Variants in TTC17 observed in about 807,000 individuals in gnomAD.
TTC17 encodes the protein tetratricopeptide repeat domain 17, also known as tetratricopeptide repeat protein 17.
TTC17 carries 58 observed loss-of-function variants against 143.8 expected under a neutral mutation model. That is an observed-to-expected ratio of 0.40 (90% CI 0.33 to 0.50). The LOEUF is 0.50. TTC17 is among the 20% of genes least tolerant of loss of function. TTC17 has a pLI of 0.49. For missense variants in TTC17, 1,273 were observed against 1,392.5 expected (o/e 0.91, Z 1.37); for synonymous variants, 501 against 497.8 (o/e 1.01, Z -0.09).
intron 15 of TTC17, among the ~76,000 whole-genome samples, chr11:43,412,989 C>T (rs1590379320): frequency 2.1e-5 from 1 of 47,412 alleles, no homozygotes; most frequent in African/African-American, 4.4e-5. Flanking sequence ...TAGACACACA[C>T]ACACACACAC....
intron 2 of TTC17, among the ~76,000 whole-genome samples, 200 bp from the exon 3 acceptor site, chr11:43,389,452 G>GTTCTGTTACT (rs1857295442): frequency 6.6e-6 from 1 of 152,154 alleles, no homozygotes; most frequent in African/African-American, 2.4e-5. Context: ...TAAATGTTGT[G>GTTCTGTTACT]TTCTGTTACT....
At chr11:43,369,681 A>G (rs985387589) in intron 1 of TTC17, among the ~76,000 whole-genome samples, 5 of 151,582 alleles carry the variant, frequency 3.3e-5, no homozygotes, top group African/African-American at 9.7e-5. Flanking sequence ...CAGTGGTGCA[A>G]TCTTATTTCA....
chr11:43,394,091 C>T (rs1182236140), intron 5 of TTC17, among the ~76,000 whole-genome samples: 1 of 152,190 alleles, frequency 6.6e-6, no homozygotes, highest in Non-Finnish European at 1.5e-5. Flanking sequence ...TTTATCCACT[C>T]CTCACAGGCC....
intron 21 of TTC17, among the ~76,000 whole-genome samples, chr11:43,465,800 A>G (rs1023317342): frequency 3.3e-5 from 5 of 152,220 alleles, no homozygotes; most frequent in Non-Finnish European, 7.3e-5. Context: ...AAATGGTCCA[A>G]AGACCTAAGT....
intron 19 of TTC17, among the ~76,000 whole-genome samples, chr11:43,448,388 C>A (rs115366667): frequency 1.6e-3 from 247 of 152,260 alleles, no homozygotes; most frequent in African/African-American, 5.5e-3. Context: ...GAATTGAAGA[C>A]TGGATCCTCT....
Position 43,448,891 on chromosome 11 carries a change from C to T in TTC17, c.2786+769C>T, listed in dbSNP as rs765350613. 4 of 152,006 alleles carry T rather than the reference C, an allele frequency of 2.6e-5. No individual in the cohort carries two copies. The South Asian group carries it at 6.2e-4, about 24-fold the overall frequency. 9.4% of individuals were successfully genotyped at this position (152,006 alleles called of 1,614,324 possible). ...TTTTTAGTAAATAGCTCCAGTAATG[C>T]TTAGGCCAAAAACCTGGGAGTTATC... On this transcript the variant is annotated intron_variant, in intron 19 of 23. Coordinates refer to ENST00000039989, the MANE Select transcript of TTC17 (RefSeq NM_018259.6).
chr11:43,418,928 G>A (rs1214469949), intron 16 of TTC17, among the ~76,000 whole-genome samples: 1 of 152,032 alleles, frequency 6.6e-6, no homozygotes, highest in Non-Finnish European at 1.5e-5. Flanking sequence ...TACTACTAAA[G>A]TAATCTAGGC....
chr11:43,384,540 A>C (rs1406595934), intron 2 of TTC17, among the ~76,000 whole-genome samples: 1 of 152,078 alleles, frequency 6.6e-6, no homozygotes, highest in Non-Finnish European at 1.5e-5. Context: ...CTATAGTCCC[A>C]GCTACTTGGG....
At chr11:43,482,598 A>G (rs1590502191) in intron 21 of TTC17, among the ~76,000 whole-genome samples, 1 of 152,150 alleles carries the variant, frequency 6.6e-6, no homozygotes, top group African/African-American at 2.4e-5. Flanking sequence ...TTTATGGGCC[A>G]GAATGTGGCC....
At chr11:43,428,744 A>G (rs1474244528) in intron 16 of TTC17, among the ~76,000 whole-genome samples, 1 of 152,262 alleles carries the variant, frequency 6.6e-6, no homozygotes, top group Admixed American at 6.5e-5. Flanking sequence ...CCCAGGACAG[A>G]ATTTAACTCC....
At chr11:43,485,883 G>GTTTTTT (rs751026290) in intron 21 of TTC17, among the ~76,000 whole-genome samples, 21 of 112,600 alleles carry the variant, frequency 1.9e-4, no homozygotes, top group East Asian at 5.6e-4. Flanking sequence ...TTGGTTTTTT[G>GTTTTTT]TTTTTTTTTT....
chr11:43,491,321 A>G (rs540056837), intron 22 of TTC17: 24 of 152,342 alleles, frequency 1.6e-4, no homozygotes, highest in African/African-American at 5.8e-4. Context: ...GATGATAGCA[A>G]TCTTGCTACT....
At chr11:43,386,798 CA>C (rs1387914084) in intron 2 of TTC17, among the ~76,000 whole-genome samples, 2 of 144,734 alleles carry the variant, frequency 1.4e-5, no homozygotes, top group East Asian at 3.9e-4. Context: ...TTTATTTATT[CA>C]TTTTTGTGAG....
intron 1 of TTC17, among the ~76,000 whole-genome samples, chr11:43,364,024 G>A (rs1004336236): frequency 6.6e-6 from 1 of 150,632 alleles, no homozygotes; most frequent in Non-Finnish European, 1.5e-5. Context: ...CGGTCAGGCC[G>A]GTATCTTCGG....
intron 21 of TTC17, among the ~76,000 whole-genome samples, chr11:43,474,748 C>T (rs1363419534): frequency 6.6e-6 from 1 of 152,152 alleles, no homozygotes; most frequent in African/African-American, 2.4e-5. Flanking sequence ...TAATAGCCCA[C>T]TATTGACTGG....
At chr11:43,481,574 A>C (rs1015833965) in intron 21 of TTC17, among the ~76,000 whole-genome samples, 2 of 152,016 alleles carry the variant, frequency 1.3e-5, no homozygotes, top group Admixed American at 1.3e-4. Flanking sequence ...GGGCTATTCA[A>C]ATTATCTCTT....
At chr11:43,486,747 A>G (rs1028182310) in intron 21 of TTC17, among the ~76,000 whole-genome samples, 1 of 152,148 alleles carries the variant, frequency 6.6e-6, no homozygotes, top group African/African-American at 2.4e-5. Context: ...TTATATAATT[A>G]TATATTTACT....
At position 43,480,632 on chromosome 11, in the gene TTC17, G is replaced by A. The variant is rs138207670; in HGVS notation, c.3031-9607G>A. Among the ~76,000 whole-genome samples, 686 of 152,088 alleles carry A rather than the reference G, an allele frequency of 4.5e-3. 5 individuals are homozygous for A. The highest frequency in any genetic ancestry group is 0.016 in the African/African-American group (649 of 41,478). ...ACATTGTGGAAAATAATAATTTGTG[G>A]GATTTTAAAAGAAATGACTGAAATA... On this transcript the variant is annotated intron_variant, in intron 21 of 23. Coordinates refer to ENST00000039989, the MANE Select transcript of TTC17 (RefSeq NM_018259.6).
At chr11:43,413,701 C>A (rs779583776) in intron 15 of TTC17, among the ~76,000 whole-genome samples, 54 of 149,546 alleles carry the variant, frequency 3.6e-4, no homozygotes, top group Non-Finnish European at 5.3e-4. Flanking sequence ...GGCCAATAGG[C>A]ACCTGAAAAA....
Sources: allele counts gnomAD v4.1 joint callset (sites outside exome capture counted in the v4.1 genomes callset), GRCh38; gene constraint gnomAD v4.1.1; transcripts MANE v1.5; gene names NCBI Gene and HGNC (gene_info 2026-07-23, HGNC 2026-07-21).